WWP2: variants seen among roughly 807,000 people sequenced by gnomAD.
The protein encoded by WWP2 is NEDD4-like E3 ubiquitin-protein ligase WWP2.
In WWP2, 57 loss-of-function variants were observed where a neutral mutation model predicts 121.0. The ratio of observed to expected loss-of-function variants is 0.47; its 90% confidence interval spans 0.38 to 0.59. The LOEUF is 0.59. WWP2 is among the 20% of genes least tolerant of loss of function. The pLI, the probability that WWP2 is intolerant of heterozygous loss-of-function variation, is 0.00. For synonymous variants in WWP2, 449 were observed against 441.3 expected (o/e 1.02, Z -0.22); for missense variants, 962 against 1,158.9 (o/e 0.83, Z 2.47).
At chr16:69,812,110 G>T (rs1036003597) in intron 4 of WWP2, among the ~76,000 whole-genome samples, 4 of 150,072 alleles carry the variant, frequency 2.7e-5, no homozygotes, top group Non-Finnish European at 5.9e-5. Flanking sequence ...GTTCCTTAGG[G>T]TATTTATGTC....
At chr16:69,906,748 C>T (rs376590618) in intron 8 of WWP2, among the ~76,000 whole-genome samples, 13 of 152,218 alleles carry the variant, frequency 8.5e-5, no homozygotes, top group African/African-American at 3.1e-4. Flanking sequence ...GGCCTCGTGG[C>T]ATGCACTTGT....
chr16:69,781,582 C>T (rs2055665092), intron 1 of WWP2, among the ~76,000 whole-genome samples: 2 of 152,058 alleles, frequency 1.3e-5, no homozygotes, highest in East Asian at 3.9e-4. Flanking sequence ...CTCCTGAGCA[C>T]AAGGTGATCC....
chr16:69,771,407 C>T lies in WWP2; in HGVS notation c.-16+9016C>T, dbSNP rs139901451. ...GATTACAGGTGCCTGCCACCATGCCCGGCTAATTTTTGTATTTTTAGTAGA... is the reference window on the plus strand; with the variant it reads ...GATTACAGGTGCCTGCCACCATGCCTGGCTAATTTTTGTATTTTTAGTAGA... On this transcript the variant is annotated intron_variant, in intron 1 of 23. Coordinates refer to ENST00000359154, the MANE Select transcript of WWP2 (RefSeq NM_001270454.2). Among the ~76,000 whole-genome samples the T allele has an allele frequency of 8.0e-3, 1,216 of 152,124 alleles. 22 individuals carry two copies. Among genetic ancestry groups the T allele is most frequent in the African/African-American group, 0.028 (1,161 of 41,472 alleles).
chr16:69,891,391 A>AG (rs2058024208), intron 8 of WWP2, among the ~76,000 whole-genome samples: 1 of 152,204 alleles, frequency 6.6e-6, no homozygotes, highest in South Asian at 2.1e-4. Flanking sequence ...GCTATCTCTT[A>AG]GGAACTGCAT....
intron 8 of WWP2, among the ~76,000 whole-genome samples, chr16:69,891,454 C>T (rs765399359): frequency 6.6e-6 from 1 of 152,174 alleles, no homozygotes; most frequent in Non-Finnish European, 1.5e-5. Context: ...ATAAATGCAG[C>T]AGCTGAATTG....
intron 1 of WWP2, 81 bp from the exon 2 acceptor site, chr16:69,786,915 G>A (rs1394146650): frequency 7.9e-7 from 1 of 1,261,978 alleles, no homozygotes; most frequent in African/African-American, 1.5e-5. Context: ...GTTTCTTTAA[G>A]CTTAAATATT....
At chr16:69,839,768 G>T (rs915212052) in intron 4 of WWP2, among the ~76,000 whole-genome samples, 1 of 152,142 alleles carries the variant, frequency 6.6e-6, no homozygotes, top group Admixed American at 6.5e-5. Context: ...TATGGGCAGG[G>T]GGATATTACT....
At chr16:69,789,914 A>G (rs902895534) in intron 2 of WWP2, among the ~76,000 whole-genome samples, 25 of 152,210 alleles carry the variant, frequency 1.6e-4, no homozygotes, top group Admixed American at 1.4e-3. Context: ...CTTTACTAAT[A>G]GCCTGCTGTT....
chr16:69,766,192 G>C (rs2038725512), intron 1 of WWP2, among the ~76,000 whole-genome samples: 1 of 152,036 alleles, frequency 6.6e-6, no homozygotes, highest in African/African-American at 2.4e-5. Context: ...TCAAGCCAAA[G>C]ACCTTGGAGT....
At chr16:69,933,866 G>T in intron 16 of WWP2, 104 bp from the exon 17 acceptor site, 1 of 1,360,784 alleles carries the variant, frequency 7.3e-7, no homozygotes, top group African/African-American at 1.4e-5. Flanking sequence ...TGGGACACGT[G>T]TCCCCATACT....
chr16:69,817,418 T>A (rs1286602280), intron 4 of WWP2, among the ~76,000 whole-genome samples: 1 of 151,972 alleles, frequency 6.6e-6, no homozygotes, highest in African/African-American at 2.4e-5. Context: ...TCAGCTAATT[T>A]TTGTATTTTT....
intron 6 of WWP2, 82 bp downstream of exon 6, chr16:69,842,202 T>C (rs1297784034): frequency 9.7e-6 from 13 of 1,337,546 alleles, no homozygotes; most frequent in Non-Finnish European, 1.3e-5. Context: ...GCGGGGAACA[T>C]TTTATGGTAG....
At chr16:69,918,060 C>T (rs2058502500) in intron 10 of WWP2, among the ~76,000 whole-genome samples, 177 bp downstream of exon 10, 1 of 152,228 alleles carries the variant, frequency 6.6e-6, no homozygotes, top group African/African-American at 2.4e-5. Context: ...TCCAGTGTGC[C>T]TCACTCAGCA....
chr16:69,766,104 A>C (rs568293919), intron 1 of WWP2, among the ~76,000 whole-genome samples: 4 of 152,098 alleles, frequency 2.6e-5, no homozygotes, highest in African/African-American at 9.6e-5. Flanking sequence ...AATCAACATC[A>C]ACAAAATTGA....
intron 16 of WWP2, among the ~76,000 whole-genome samples, 156 bp from the exon 17 acceptor site, chr16:69,933,814 C>G (rs887565243): frequency 6.6e-6 from 1 of 152,112 alleles, no homozygotes; most frequent in African/African-American, 2.4e-5. Context: ...ACCAGCTGTT[C>G]ATATAGGTTA....
chr16:69,886,971 T>C (rs1472469401), intron 7 of WWP2, among the ~76,000 whole-genome samples: 3 of 152,234 alleles, frequency 2.0e-5, no homozygotes, highest in African/African-American at 7.2e-5. Flanking sequence ...TGTACACATA[T>C]GCAATCATAT....
chr16:69,785,056 C>A (rs1273870267), intron 1 of WWP2, among the ~76,000 whole-genome samples: 1 of 151,568 alleles, frequency 6.6e-6, no homozygotes, highest in Non-Finnish European at 1.5e-5. Context: ...GCCAACATGG[C>A]GAAACCCCAT....
In WWP2 at chr16:69,799,147, G is replaced by A. The variant is rs532733804; in HGVS notation, c.219-27G>A. 4.4e-6 allele frequency: 7 copies of A among 1,603,248 alleles called. No individual in the cohort carries two copies. The South Asian group carries it at 7.8e-5, about 18-fold the overall frequency. ...AGTTATAGGAATGATCTGCTTGGAT[G>A]TAATGAATCAGGTATTTGTTTTTCA... On this transcript the variant is annotated intron_variant, in intron 3 of 23. Transcript: ENST00000359154. This position sits in a 1 kb window ranked among gnomAD's most constrained non-coding sequence, Gnocchi z 4.5.
chr16:69,918,342 TTC>T lies in WWP2; in HGVS notation c.1179+462_1179+463del, dbSNP rs759830592. ...TGTTAGATCTTTATTATCTGACACA[TTC>T]TCAGGGATGAAGGATCCTTGGGCTC... is the stretch of plus-strand genomic sequence containing the variant. On this transcript the variant is annotated intron_variant, in intron 10 of 23. Transcript: ENST00000359154. Among the ~76,000 whole-genome samples, 17 of 152,280 alleles carry T rather than the reference TTC, an allele frequency of 1.1e-4. No individual in the cohort carries two copies. The South Asian group carries it at 3.5e-3, about 32-fold the overall frequency.
Sources: gnomAD v4.1 joint callset for allele counts (sites outside exome capture counted in the v4.1 genomes callset) on GRCh38, gnomAD v4.1.1 for gene constraint, Gnocchi (gnomAD v3.1) non-coding constraint, MANE v1.5 for transcripts, NCBI Gene and HGNC (gene_info 2026-07-23, HGNC 2026-07-21) for gene names.